The following HIF1A variants were observed in gnomAD, a reference collection of about 807,000 sequenced individuals.
The protein encoded by HIF1A is hypoxia inducible factor 1 subunit alpha, also known as hypoxia-inducible factor 1-alpha.
HIF1A carries 24 observed loss-of-function variants against 92.7 expected under a neutral mutation model. The observed-to-expected ratio is 0.26, with a 90% CI of 0.19 to 0.36. The LOEUF is 0.36. Among genes scored for constraint, HIF1A ranks in the 10% least tolerant of loss-of-function variants. HIF1A has a pLI of 1.00. For missense variants in HIF1A, 799 were observed against 998.5 expected (o/e 0.80, Z 2.69); for synonymous variants, 319 against 338.7 (o/e 0.94, Z 0.64).
In HIF1A at chr14:61,738,187, G is replaced by T. The variant is rs2044662514; in HGVS notation, c.1350G>T (p.Met450Ile). The T allele has an allele frequency of 6.2e-6, 10 of 1,614,090 alleles. No homozygotes were observed. Among genetic ancestry groups the T allele is most frequent in the Non-Finnish European group, 7.6e-6 (9 of 1,180,008 alleles). The part of the protein sequence containing the change: ...NEKLQNINLA[M>I]SPLPTAETPK... ...AATTACAGAATATAAATTTGGCAAT[G>T]TCTCCATTACCCACCGCTGAAACGC... Residue 450 changes from methionine (M) to isoleucine (I), a missense_variant, in exon 10 of 15, where the codon ATG becomes ATT. Transcript: ENST00000337138.
At position 61,712,312 on chromosome 14, in the gene HIF1A, G is replaced by A. The variant is rs112360697; in HGVS notation, c.36-8070G>A. On this transcript the variant is annotated intron_variant, in intron 1 of 14. Transcript: ENST00000337138. ...TGTTTTAAGAACAGTAAGGAGGCTA[G>A]TATGGTTAGAACAGAATGAGCAAAG... is the stretch of plus-strand genomic sequence containing the variant. 5.9e-3 allele frequency among the ~76,000 whole-genome samples: 898 copies of A among 152,098 alleles called. 13 individuals carry two copies. The highest frequency in any genetic ancestry group is 0.02 in the African/African-American group (837 of 41,472).
chr14:61,732,592 C>A, intron 7 of HIF1A, 68 bp downstream of exon 7: 2 of 929,754 alleles, frequency 2.2e-6, no homozygotes, highest in Non-Finnish European at 3.4e-6. Flanking sequence ...TACAGTTTGG[C>A]TACCCATCTA....
chr14:61,715,093 A>G (rs2044348442), intron 1 of HIF1A, among the ~76,000 whole-genome samples: 1 of 152,186 alleles, frequency 6.6e-6, no homozygotes, highest in Admixed American at 6.5e-5. Flanking sequence ...GTAAAACACC[A>G]ACAATGTTGA....
At chr14:61,719,885 G>A (rs950160596) in intron 1 of HIF1A, among the ~76,000 whole-genome samples, 3 of 152,162 alleles carry the variant, frequency 2.0e-5, no homozygotes, top group Non-Finnish European at 4.4e-5. Context: ...GGGTGAGAAA[G>A]TACTGGAGTC....
intron 4 of HIF1A, among the ~76,000 whole-genome samples, chr14:61,724,151 A>T (rs1222756581): frequency 1.3e-5 from 2 of 151,716 alleles, no homozygotes; most frequent in African/African-American, 4.8e-5. Context: ...TCATTAGGAA[A>T]ACACTAGTAC....
At chr14:61,696,418 G>A (rs946048669) in intron 1 of HIF1A, among the ~76,000 whole-genome samples, 2 of 152,242 alleles carry the variant, frequency 1.3e-5, no homozygotes, top group South Asian at 4.1e-4. Flanking sequence ...CAGCCGTCGC[G>A]GGTGTCTTTG....
intron 1 of HIF1A, among the ~76,000 whole-genome samples, chr14:61,718,504 T>A (rs2140134656): frequency 6.6e-6 from 1 of 152,330 alleles, no homozygotes; most frequent in South Asian, 2.1e-4. Context: ...TGTATGGAAC[T>A]CCAGTGTATG....
chr14:61,701,658 T>G (rs963382749), intron 1 of HIF1A, among the ~76,000 whole-genome samples: 1 of 152,172 alleles, frequency 6.6e-6, no homozygotes. Flanking sequence ...TAAAACTGGA[T>G]ATGTTTCAGT....
chr14:61,738,449 C>G, intron 10 of HIF1A, 76 bp downstream of exon 10: 1 of 1,316,450 alleles, frequency 7.6e-7, no homozygotes, highest in Admixed American at 2.3e-5. Context: ...AAGTTTGATT[C>G]AAACACTTAT....
intron 6 of HIF1A, among the ~76,000 whole-genome samples, chr14:61,728,208 C>T (rs1361831203): frequency 2.6e-5 from 4 of 151,808 alleles, no homozygotes. Context: ...TTTTTTTCCC[C>T]AATAGGGGCT....
At chr14:61,737,985 C>G in intron 9 of HIF1A, 102 bp from the exon 10 acceptor site, 1 of 911,624 alleles carries the variant, frequency 1.1e-6, no homozygotes, top group Non-Finnish European at 1.6e-6. Context: ...CAAGATTGCG[C>G]CATTGCACTC....
intron 4 of HIF1A, 25 bp from the exon 5 acceptor site, chr14:61,726,681 A>C: frequency 6.8e-7 from 1 of 1,463,490 alleles, no homozygotes; most frequent in South Asian, 1.3e-5. Flanking sequence ...AGTTGCTTTA[A>C]AACTTTATTT....
At position 61,711,344 on chromosome 14, in the gene HIF1A, A is replaced by G. The variant is rs1189783400; in HGVS notation, c.36-9038A>G. Among the ~76,000 whole-genome samples the G allele has an allele frequency of 2.6e-5, 4 of 151,486 alleles. No homozygotes were observed. In the South Asian group the frequency reaches 6.2e-4, roughly 24 times the overall value. On this transcript the variant is annotated intron_variant, in intron 1 of 14. Coordinates refer to ENST00000337138, the MANE Select transcript of HIF1A (RefSeq NM_001530.4). ...CTCAGCCTCCTGAGTATCTGGAACT[A>G]CAGGAGTGCACCATTACACTCGGCT...
In HIF1A at chr14:61,738,224, C is replaced by T; in HGVS notation, c.1387C>T (p.Arg463Ter). 2 of 1,614,072 alleles carry T rather than the reference C, an allele frequency of 1.2e-6. No individual in the cohort carries two copies. The highest frequency in any genetic ancestry group is 2.2e-5 in the East Asian group (1 of 44,886). ...CACCGCTGAAACGCCAAAGCCACTT[C>T]GAAGTAGTGCTGACCCTGCACTCAA... Reference protein sequence around the residue: ...LPTAETPKPLRSSADPALNQE... With the variant: ...LPTAETPKPL Residue 463 changes from arginine (R) to a stop codon, truncating the protein, a stop_gained, in exon 10 of 15, where the codon CGA (arginine) becomes TGA (stop). Coordinates refer to ENST00000337138, the MANE Select transcript of HIF1A (RefSeq NM_001530.4). LOFTEE classifies it high-confidence loss of function.
At chr14:61,709,831 A>G (rs560384405) in intron 1 of HIF1A, among the ~76,000 whole-genome samples, 1 of 152,346 alleles carries the variant, frequency 6.6e-6, no homozygotes, top group Non-Finnish European at 1.5e-5. Context: ...TAGGATATAC[A>G]GTAGGAAAGA....
Position 61,728,221 on chromosome 14 carries a change from A to G in HIF1A, c.773+566A>G, listed in dbSNP as rs555930435. Reference sequence around the variant, plus strand: ...TCTTTTTTTCCCCAATAGGGGCTCTACTTACTTAGAGAATTTCAAAGATAT... The same window carrying G: ...TCTTTTTTTCCCCAATAGGGGCTCTGCTTACTTAGAGAATTTCAAAGATAT... On this transcript the variant is annotated intron_variant, in intron 6 of 14. Transcript: ENST00000337138. Among the ~76,000 whole-genome samples, 8 of 152,268 alleles carry G rather than the reference A, an allele frequency of 5.3e-5. No individual in the cohort carries two copies. In the South Asian group the frequency reaches 1.7e-3, roughly 32 times the overall value.
intron 1 of HIF1A, among the ~76,000 whole-genome samples, chr14:61,717,944 C>G (rs1370060711): frequency 6.8e-6 from 1 of 147,020 alleles, no homozygotes; most frequent in Non-Finnish European, 1.5e-5. Context: ...TTGCTTGAAC[C>G]TGGGAAGTGG....
chr14:61,741,364 CTTT>C (rs34138408), intron 12 of HIF1A, among the ~76,000 whole-genome samples, 176 bp downstream of exon 12: 21 of 137,050 alleles, frequency 1.5e-4, no homozygotes, highest in African/African-American at 5.4e-4. Flanking sequence ...CTTTTTCTTT[CTTT>C]TTTTTTTTTT....
intron 1 of HIF1A, among the ~76,000 whole-genome samples, chr14:61,713,543 T>TA (rs2044330199): frequency 6.6e-6 from 1 of 152,152 alleles, no homozygotes. Flanking sequence ...TTCAGTAGAC[T>TA]AAGGAGTGGG....
Sources: allele counts gnomAD v4.1 joint callset (sites outside exome capture counted in the v4.1 genomes callset), GRCh38; gene constraint gnomAD v4.1.1; transcripts MANE v1.5; gene names NCBI Gene and HGNC (gene_info 2026-07-23, HGNC 2026-07-21).